Variants in CCDC125 observed in about 807,000 individuals in gnomAD.
The protein encoded by CCDC125 is coiled-coil domain containing 125, also known as coiled-coil domain-containing protein 125.
CCDC125 carries 43 observed loss-of-function variants against 57.4 expected under a neutral mutation model. The observed-to-expected ratio is 0.75, with a 90% CI of 0.59 to 0.97. The LOEUF is 0.97. Among genes scored for constraint, CCDC125 ranks in the 50% least tolerant of loss-of-function variants. The pLI, the probability that CCDC125 is intolerant of heterozygous loss-of-function variation, is 0.00. For missense variants in CCDC125, 563 were observed against 595.7 expected (o/e 0.95, Z 0.57); for synonymous variants, 187 against 195.2 (o/e 0.96, Z 0.35).
chr5:69,331,588 T>A (rs1761432686), intron 1 of CCDC125, among the ~76,000 whole-genome samples: 1 of 152,190 alleles, frequency 6.6e-6, no homozygotes, highest in Non-Finnish European at 1.5e-5. Flanking sequence ...AGTGTCACCC[T>A]GTTTTCTACA....
At chr5:69,327,870 G>C (rs1760927921) in intron 1 of CCDC125, among the ~76,000 whole-genome samples, 1 of 152,160 alleles carries the variant, frequency 6.6e-6, no homozygotes, top group African/African-American at 2.4e-5. Context: ...TCCAAAGTGT[G>C]CTCCATGGAA....
Position 69,320,374 on chromosome 5 carries a change from T to G in CCDC125, c.167A>C (p.Asn56Thr). ...HRSRKRSDGK[N>T]FSPPPFPRKG... Reference sequence around the variant, plus strand: ...TCTCGGAAATGGAGGAGGGCTAAAGTTCTTTCCATCTGATCTTTTTCTAGA... The same window carrying G: ...TCTCGGAAATGGAGGAGGGCTAAAGGTCTTTCCATCTGATCTTTTTCTAGA... The change falls in exon 2 of 12, where the codon AAC becomes ACC. Residue 56 changes from asparagine to threonine, a missense_variant. By Grantham distance (65) the Asn-to-Thr change is moderately conservative. Transcript: ENST00000396496. The G allele has an allele frequency of 1.2e-6, 2 of 1,614,150 alleles. No individual in the cohort carries two copies. Among genetic ancestry groups the G allele is most frequent in the East Asian group, 2.2e-5 (1 of 44,884 alleles).
intron 8 of CCDC125, among the ~76,000 whole-genome samples, chr5:69,298,226 G>C (rs1755739095): frequency 6.6e-6 from 1 of 151,980 alleles, no homozygotes; most frequent in African/African-American, 2.4e-5. Flanking sequence ...ATGTTGGCCA[G>C]GATGGTCTTG....
At chr5:69,285,199 C>A (rs1753132258) in intron 11 of CCDC125, 138 bp downstream of exon 11, 1 of 625,238 alleles carries the variant, frequency 1.6e-6, no homozygotes, top group African/African-American at 1.9e-5. Context: ...TCAAAAAGAT[C>A]TCATAATGTT....
chr5:69,316,959 C>G (rs777478330), intron 2 of CCDC125, among the ~76,000 whole-genome samples: 3 of 152,124 alleles, frequency 2.0e-5, no homozygotes, highest in Admixed American at 2.0e-4. Flanking sequence ...AAAATGGGAA[C>G]TCATACTATT....
intron 2 of CCDC125, among the ~76,000 whole-genome samples, chr5:69,317,732 G>A (rs1307459767): frequency 1.3e-5 from 2 of 152,126 alleles, no homozygotes; most frequent in African/African-American, 4.8e-5. Context: ...TTTCCATAAG[G>A]TAAGGTATAA....
chr5:69,303,868 T>A lies in CCDC125; in HGVS notation c.679A>T (p.Met227Leu), dbSNP rs1290961322. 6.2e-7 allele frequency: 1 copy of A among 1,604,272 alleles called. No individual in the cohort carries two copies. Among genetic ancestry groups the A allele is most frequent in the South Asian group, 1.1e-5 (1 of 89,744 alleles). Residue 227 changes from methionine (M) to leucine (L), a missense_variant, in exon 7 of 12, where the codon ATG (methionine) becomes TTG (leucine). By Grantham distance (15) the Met-to-Leu change is conservative (BLOSUM62 2). Transcript: ENST00000396496. ...TTACCTGCATTGTCAGACTTCAGCA[T>A]TTTAATTTCTTCTGTTTTCACTTTC... is the stretch of plus-strand genomic sequence containing the variant. ...NLKVKTEEIK[M>L]LKSDNAVLNQ...
downstream of CCDC125, chr5:69,276,678 G>A (rs1298731004): frequency 2.5e-6 from 4 of 1,613,352 alleles, no homozygotes; most frequent in Non-Finnish European, 2.5e-6. Flanking sequence ...AAGAACAGAG[G>A]CCTTAGAACA....
chr5:69,318,943 C>CT (rs766942800), intron 2 of CCDC125, among the ~76,000 whole-genome samples: 179 of 142,846 alleles, frequency 1.3e-3, no homozygotes, highest in African/African-American at 1.5e-3. Context: ...GGTTTTTTTT[C>CT]TTTTTTTTTT....
At chr5:69,308,100 T>C in intron 4 of CCDC125, 72 bp from the exon 5 acceptor site, 1 of 1,078,804 alleles carries the variant, frequency 9.3e-7, no homozygotes, top group Non-Finnish European at 1.4e-6. Context: ...TGAAGTTCTC[T>C]TTTATTTTAA....
intron 10 of CCDC125, among the ~76,000 whole-genome samples, chr5:69,289,366 T>C (rs1208503900): frequency 2.0e-5 from 3 of 152,218 alleles, no homozygotes; most frequent in Non-Finnish European, 4.4e-5. Flanking sequence ...TATCTACACA[T>C]AGCTGTGGTC....
At chr5:69,309,247 C>T (rs1355905684) in intron 4 of CCDC125, 4 of 152,156 alleles carry the variant, frequency 2.6e-5, no homozygotes, top group Non-Finnish European at 2.9e-5. Context: ...GAAAATGTCT[C>T]CAGGGCATGT....
intron 1 of CCDC125, among the ~76,000 whole-genome samples, chr5:69,320,948 C>T (rs1759931682): frequency 6.6e-6 from 1 of 152,088 alleles, no homozygotes; most frequent in South Asian, 2.1e-4. Flanking sequence ...ATACCACGTT[C>T]TTCCTTATGT....
chr5:69,296,531 AC>A (rs1395230102), intron 8 of CCDC125, among the ~76,000 whole-genome samples: 1 of 151,966 alleles, frequency 6.6e-6, no homozygotes, highest in African/African-American at 2.4e-5. Flanking sequence ...AGCCTGGGCA[AC>A]AAGAGCAAAA....
chr5:69,314,193 G>A lies in CCDC125; in HGVS notation c.305-147C>T, dbSNP rs189044278. 2.6e-4 allele frequency: 155 copies of A among 598,964 alleles called. No homozygotes were observed. The East Asian group carries it at 3.2e-3, about 13-fold the overall frequency. 37.1% of individuals were successfully genotyped at this position (598,964 alleles called of 1,614,324 possible). ...AGAATTATAATAGAACACCAGGTGCGGTGGCTCACATCTGTAATCCCAGCA... is the reference window on the plus strand; with the variant it reads ...AGAATTATAATAGAACACCAGGTGCAGTGGCTCACATCTGTAATCCCAGCA... On this transcript the variant is annotated intron_variant, in intron 2 of 11. Coordinates refer to ENST00000396496, the MANE Select transcript of CCDC125 (RefSeq NM_176816.5).
At chr5:69,326,266 A>G (rs1249834534) in intron 1 of CCDC125, among the ~76,000 whole-genome samples, 2 of 152,244 alleles carry the variant, frequency 1.3e-5, no homozygotes, top group Non-Finnish European at 2.9e-5. Flanking sequence ...TATGACTTCA[A>G]ATAGAACTTA....
At chr5:69,278,865 A>ATTT (rs35764556), downstream of CCDC125, among the ~76,000 whole-genome samples, 7 of 139,154 alleles carry the variant, frequency 5.0e-5, no homozygotes, top group Admixed American at 7.4e-5. Context: ...TGCCTGGTTA[A>ATTT]TTTTTTTTTT....
chr5:69,305,321 C>G (rs932885529), intron 6 of CCDC125, among the ~76,000 whole-genome samples: 1 of 152,104 alleles, frequency 6.6e-6, no homozygotes, highest in East Asian at 1.9e-4. Context: ...TCAAGCGATT[C>G]TCCTGCCTCA....
At chr5:69,297,805 A>G (rs916703968) in intron 8 of CCDC125, among the ~76,000 whole-genome samples, 6 of 145,360 alleles carry the variant, frequency 4.1e-5, no homozygotes, top group Non-Finnish European at 6.1e-5. Context: ...TACAAAAAAT[A>G]AAAAAAAAAC....
Sources: allele counts gnomAD v4.1 joint callset (sites outside exome capture counted in the v4.1 genomes callset), GRCh38; gene constraint gnomAD v4.1.1; transcripts MANE v1.5; gene names NCBI Gene and HGNC (gene_info 2026-07-23, HGNC 2026-07-21).